PPP5C: variants seen among roughly 807,000 people sequenced by gnomAD.
PPP5C encodes the protein protein phosphatase 5 catalytic subunit.
A neutral mutation model predicts 66.7 loss-of-function variants in PPP5C; 21 were observed. The observed-to-expected ratio is 0.31, with a 90% CI of 0.22 to 0.45. PPP5C has a LOEUF of 0.45. Ranked by LOEUF, PPP5C falls within the 20% of genes least tolerant of loss-of-function variation. The probability of loss-of-function intolerance (pLI) is 1.00; values close to 1 mark genes in which losing one functional copy is unlikely to be tolerated. For synonymous variants in PPP5C, 246 were observed against 257.4 expected (o/e 0.96, Z 0.43); for missense variants, 464 against 675.9 (o/e 0.69, Z 3.48).
chr19:46,386,271 C>A (rs768726795), intron 7 of PPP5C, among the ~76,000 whole-genome samples: 2 of 152,146 alleles, frequency 1.3e-5, no homozygotes, highest in Non-Finnish European at 2.9e-5. Context: ...GAGGGCCACA[C>A]AGGGGAGGCC....
At chr19:46,367,481 G>A (rs192492393) in intron 2 of PPP5C, among the ~76,000 whole-genome samples, 14 of 152,074 alleles carry the variant, frequency 9.2e-5, no homozygotes, top group Non-Finnish European at 1.8e-4. Flanking sequence ...GGAGATGCCC[G>A]GTCTCTCTTG....
Position 46,390,381 on chromosome 19 carries a change from C to T in PPP5C, c.*35C>T. ...CGGGGCGGCCTGCATCCCAGGGCCC[C>T]TCCAATCCCACCGGACCCAGGCCCT... On this transcript the variant is annotated 3_prime_UTR_variant, in exon 13 of 13. Transcript: ENST00000012443. 6.4e-7 allele frequency: 1 copy of T among 1,555,276 alleles called. No homozygotes were observed. Among genetic ancestry groups the T allele is most frequent in the Non-Finnish European group, 8.7e-7 (1 of 1,149,448 alleles).
At chr19:46,354,299 C>T (rs117640925) in intron 2 of PPP5C, among the ~76,000 whole-genome samples, 2 of 152,030 alleles carry the variant, frequency 1.3e-5, no homozygotes, top group Admixed American at 6.5e-5. Flanking sequence ...GCCTTTCACA[C>T]GAGTAGACCA....
rs371921860 is a variant in PPP5C, at chr19:46,387,653, A to G, written c.1135+200A>G. 118 of 1,509,916 alleles carry G rather than the reference A, an allele frequency of 7.8e-5. 1 individual carries two copies. In the African/African-American group the frequency reaches 1.4e-3, roughly 18 times the overall value. The allele number at this position is 1,509,916 out of a possible 1,614,324, so 93.5% of individuals were successfully genotyped here. A position where few individuals can be genotyped will look rare whatever the true frequency, so the allele number is the denominator to read the frequency against. On this transcript the variant is annotated intron_variant, in intron 9 of 12. Transcript: ENST00000012443. Reference sequence around the variant, plus strand: ...TGTGATGGCAAGCACGGTCGTGACCATGGTGCGGGGTGAAGGCACGGTGAC... The same window carrying G: ...TGTGATGGCAAGCACGGTCGTGACCGTGGTGCGGGGTGAAGGCACGGTGAC...
rs764757552 is a variant in PPP5C, at chr19:46,347,136, C to T, written c.40C>T (p.Pro14Ser). 9.4e-6 allele frequency: 15 copies of T among 1,603,648 alleles called. No homozygotes were observed. Among genetic ancestry groups the T allele is most frequent in the African/African-American group, 8.0e-5 (6 of 74,706 alleles). ...AEGERTECAE[P>S]PRDEPPADGA... ...GGGCGAGAGGACTGAGTGTGCTGAG[C>T]CCCCCCGGGACGAACCCCCGGCTGA... Residue 14 changes from proline to serine, a missense_variant, in exon 1 of 13, where the codon CCC becomes TCC. By Grantham distance (74) the Pro-to-Ser change is moderately conservative. Transcript: ENST00000012443.
intron 2 of PPP5C, among the ~76,000 whole-genome samples, chr19:46,366,829 G>A (rs1032084743): frequency 1.4e-4 from 21 of 152,218 alleles, no homozygotes; most frequent in African/African-American, 4.1e-4. Flanking sequence ...GGCTTCAGGC[G>A]ATGAGTACTT....
chr19:46,362,634 A>C (rs889246849), intron 2 of PPP5C, among the ~76,000 whole-genome samples: 1 of 152,108 alleles, frequency 6.6e-6, no homozygotes, highest in African/African-American at 2.4e-5. Flanking sequence ...GAGACAGACA[A>C]ATCCAACCAT....
At chr19:46,372,158 A>G (rs1237511912) in intron 2 of PPP5C, among the ~76,000 whole-genome samples, 2 of 152,076 alleles carry the variant, frequency 1.3e-5, no homozygotes, top group East Asian at 1.9e-4. Flanking sequence ...GGGGTGTCCT[A>G]TGATAGAGCA....
At chr19:46,355,376 C>T (rs559224008) in intron 2 of PPP5C, among the ~76,000 whole-genome samples, 125 of 147,960 alleles carry the variant, frequency 8.4e-4, no homozygotes, top group Non-Finnish European at 1.6e-3. Context: ...AGCTGGGAGC[C>T]GCGAGTCTGC....
intron 2 of PPP5C, among the ~76,000 whole-genome samples, chr19:46,357,873 G>A (rs1178508900): frequency 1.3e-5 from 2 of 152,212 alleles, no homozygotes; most frequent in East Asian, 3.8e-4. Context: ...GTCCTTTCGG[G>A]TTTTTATGGA....
At chr19:46,364,092 A>G (rs1161973078) in intron 2 of PPP5C, among the ~76,000 whole-genome samples, 1 of 152,224 alleles carries the variant, frequency 6.6e-6, no homozygotes, top group Non-Finnish European at 1.5e-5. Context: ...TAAGTTTTAC[A>G]TTATCCTTGG....
At chr19:46,352,692 C>T (rs1303663733) in intron 1 of PPP5C, among the ~76,000 whole-genome samples, 2 of 151,598 alleles carry the variant, frequency 1.3e-5, no homozygotes, top group Admixed American at 6.6e-5. Context: ...TAGTGGCGGG[C>T]GCCTATAGTC....
chr19:46,388,884 G>T lies in PPP5C; in HGVS notation c.1355+153G>T, dbSNP rs1230317729. 6.6e-6 allele frequency among the ~76,000 whole-genome samples: 1 copy of T among 152,134 alleles called. No homozygotes were observed. Among genetic ancestry groups the T allele is most frequent in the Non-Finnish European group, 1.5e-5 (1 of 68,034 alleles). On this transcript the variant is annotated intron_variant, in intron 11 of 12. Transcript: ENST00000012443. This position sits in a 1 kb window ranked among gnomAD's most constrained non-coding sequence, Gnocchi z 4.9. ...ACCCCCGTATGTGTCACCCACCCAT[G>T]CAGCACCAGTGGGGCCAGCCTGTGA...
intron 2 of PPP5C, among the ~76,000 whole-genome samples, chr19:46,368,139 T>A (rs1568569717): frequency 6.6e-6 from 1 of 152,226 alleles, no homozygotes; most frequent in Non-Finnish European, 1.5e-5. Context: ...TAGAGATTAG[T>A]GCCACCATCA....
intron 2 of PPP5C, among the ~76,000 whole-genome samples, chr19:46,357,387 AG>A (rs1179546837): frequency 6.6e-6 from 1 of 152,228 alleles, no homozygotes; most frequent in Non-Finnish European, 1.5e-5. Flanking sequence ...ACAGTTACAC[AG>A]AAAATTTCTG....
chr19:46,389,013 A>G (rs1372325051), intron 11 of PPP5C, among the ~76,000 whole-genome samples: 1 of 151,724 alleles, frequency 6.6e-6, no homozygotes, highest in Non-Finnish European at 1.5e-5. Flanking sequence ...TTTCTTAACC[A>G]CAATATCGTG....
At chr19:46,390,206 G>A (rs918090584) in intron 12 of PPP5C, 74 bp downstream of exon 12, 2 of 1,608,260 alleles carry the variant, frequency 1.2e-6, no homozygotes, top group African/African-American at 1.3e-5. Flanking sequence ...CTGGTAAGGG[G>A]CAGGGGTAGG....
intron 2 of PPP5C, among the ~76,000 whole-genome samples, chr19:46,361,223 G>A (rs1391832318): frequency 6.9e-6 from 1 of 144,808 alleles, no homozygotes; most frequent in East Asian, 2.1e-4. Context: ...TCCACCTCCC[G>A]GATTCACCCC....
At chr19:46,368,413 G>T (rs909904723) in intron 2 of PPP5C, among the ~76,000 whole-genome samples, 2 of 152,358 alleles carry the variant, frequency 1.3e-5, no homozygotes, top group East Asian at 3.9e-4. Context: ...GAAGCAGTTT[G>T]CTTTCAGTTG....
Sources: gnomAD v4.1 joint callset for allele counts (sites outside exome capture counted in the v4.1 genomes callset) on GRCh38, gnomAD v4.1.1 for gene constraint, Gnocchi (gnomAD v3.1) non-coding constraint, MANE v1.5 for transcripts, NCBI Gene and HGNC (gene_info 2026-07-23, HGNC 2026-07-21) for gene names.